The following VPS13C variants were observed in gnomAD, a reference collection of about 807,000 sequenced individuals.
VPS13C encodes vacuolar protein sorting 13 homolog C, also known as intermembrane lipid transfer protein VPS13C.
A neutral mutation model predicts 456.8 loss-of-function variants in VPS13C; 358 were observed. The ratio of observed to expected loss-of-function variants is 0.78; its 90% CI spans 0.72 to 0.86. The LOEUF (loss-of-function observed/expected upper bound fraction) is 0.86. Ranked by LOEUF, VPS13C falls within the 40% of genes least tolerant of loss-of-function variation. The pLI is 0.00. For synonymous variants in VPS13C, 1,578 were observed against 1,486.7 expected, an observed-to-expected ratio of 1.06 and a Z score of -1.41; for missense variants, 4,818 against 4,385.4, an observed-to-expected ratio of 1.10 and a Z score of -2.79.
intron 67 of VPS13C, among the ~76,000 whole-genome samples, chr15:61,888,725 A>G (rs966062996): frequency 6.6e-6 from 1 of 152,140 alleles, no homozygotes; most frequent in Non-Finnish European, 1.5e-5. Context: ...AACAGGAGGA[A>G]GCTGAGAGAC....
At chr15:61,869,477 G>A (rs1894854276) in intron 80 of VPS13C, 23 bp downstream of exon 80, 1 of 1,612,778 alleles carries the variant, frequency 6.2e-7, no homozygotes, top group Admixed American at 1.7e-5. Context: ...CACATACCTT[G>A]CACATAGTAT....
chr15:61,909,059 G>A lies in VPS13C; in HGVS notation c.8911C>T (p.His2971Tyr), dbSNP rs1221319344. ...HSTVITFSDYHEGSAPALIMN... is the reference protein window; with the variant it reads ...HSTVITFSDYYEGSAPALIMN... ...ATCAAGGCAGGTGCAGATCCCTCAT[G>A]GTAATCAGAAAAAGTTATGACAGTT... The change falls in exon 65 of 85, where the codon CAT becomes TAT. Residue 2971 changes from histidine to tyrosine, a missense_variant. This residue lies in a region of VPS13C where 4,552 missense variants were observed against 4,130.6 expected (regional missense o/e 1.10). Coordinates refer to ENST00000644861, the MANE Select transcript of VPS13C (RefSeq NM_020821.3). 3 of 1,613,704 alleles carry A rather than the reference G, an allele frequency of 1.9e-6. No individual in the cohort carries two copies. The highest frequency in any genetic ancestry group is 1.7e-6 in the Non-Finnish European group (2 of 1,179,952).
chr15:61,915,419 C>T (rs1010895913), intron 61 of VPS13C, among the ~76,000 whole-genome samples: 2 of 152,080 alleles, frequency 1.3e-5, no homozygotes, highest in Non-Finnish European at 2.9e-5. Context: ...ACAGAGGTAA[C>T]TCTATAGGCA....
intron 18 of VPS13C, among the ~76,000 whole-genome samples, chr15:61,989,830 T>C (rs1357426474): frequency 6.6e-6 from 1 of 152,216 alleles, no homozygotes; most frequent in Non-Finnish European, 1.5e-5. Flanking sequence ...TATCCTCGCA[T>C]ACTGATAGCG....
chr15:62,006,081 T>C (rs2046830454), intron 15 of VPS13C, among the ~76,000 whole-genome samples: 2 of 141,512 alleles, frequency 1.4e-5, no homozygotes, highest in Admixed American at 1.5e-4. Context: ...TGTTTTTGTT[T>C]TTTTTTAAAG....
chr15:61,925,123 C>T (rs578077156), intron 53 of VPS13C, among the ~76,000 whole-genome samples: 4 of 151,864 alleles, frequency 2.6e-5, no homozygotes, highest in South Asian at 2.1e-4. Context: ...TAATAACAAC[C>T]TCTTCTCTCC....
rs573561210 is a variant in VPS13C at position 61,904,882 on chromosome 15, G to A, written c.9105+2382C>T. ...TGTTAAGTGAAGTCAGTCAGGTACA[G>A]AAAGACAAATAGCACATGTTCTCAC... is the stretch of plus-strand genomic sequence containing the variant. On this transcript the variant is annotated intron_variant, in intron 66 of 84. Coordinates refer to ENST00000644861, the MANE Select transcript of VPS13C (RefSeq NM_020821.3). Among the ~76,000 whole-genome samples the A allele has an allele frequency of 1.2e-4, 18 of 151,768 alleles. No individual in the cohort carries two copies. In the South Asian group the frequency reaches 3.7e-3, roughly 32 times the overall value.
Position 61,950,404 on chromosome 15 carries a change from C to A in VPS13C, c.4550G>T (p.Gly1517Val). ...KMLLTKADSDGPEFKTIHDST... is the reference protein window; with the variant it reads ...KMLLTKADSDVPEFKTIHDST... The stretch of plus-strand genomic sequence containing the variant: ...GTCATGAATAGTTTTAAATTCTGGT[C>A]CATCACTGTCTGCCTACAAATAGTG... Residue 1517 changes from glycine to valine, a missense_variant, in exon 41 of 85, where the codon GGA becomes GTA. Transcript: ENST00000644861. 2 of 1,611,590 alleles carry A rather than the reference C, an allele frequency of 1.2e-6. No homozygotes were observed. The highest frequency in any genetic ancestry group is 1.7e-6 in the Non-Finnish European group (2 of 1,178,390).
At chr15:61,907,190 G>A (rs759320026) in intron 66 of VPS13C, 74 bp downstream of exon 66, 1 of 1,598,452 alleles carries the variant, frequency 6.3e-7, no homozygotes, top group Non-Finnish European at 8.6e-7. Context: ...AGGACAAGGA[G>A]TCAGTGAAGA....
chr15:61,884,239 C>T lies in VPS13C; in HGVS notation c.9372G>A (p.Lys3124=). 1 of 1,611,080 alleles carries T rather than the reference C, an allele frequency of 6.2e-7. No homozygotes were observed. The highest frequency in any genetic ancestry group is 8.5e-7 in the Non-Finnish European group (1 of 1,178,944). ...SSGVVWEVKP[K]QKWKPFSQKQ... is the part of the protein sequence containing the mutation. Reference sequence around the variant, plus strand: ...TTTGACTAAATGGCTTCCATTTCTGCTTTGGTTTCACCTCCCAAACAACAC... The same window carrying T: ...TTTGACTAAATGGCTTCCATTTCTGTTTTGGTTTCACCTCCCAAACAACAC... The change falls in exon 68 of 85, where the codon AAG becomes AAA. Residue 3124 remains lysine (K), a synonymous_variant. Coordinates refer to ENST00000644861, the MANE Select transcript of VPS13C (RefSeq NM_020821.3).
At chr15:62,055,234 C>CA (rs1555454160) in intron 1 of VPS13C, among the ~76,000 whole-genome samples, 3 of 148,120 alleles carry the variant, frequency 2.0e-5, no homozygotes, top group Non-Finnish European at 4.5e-5. Flanking sequence ...CCTTCTCAAC[C>CA]TTTTTTTTTT....
intron 15 of VPS13C, among the ~76,000 whole-genome samples, chr15:62,006,514 T>C (rs1472781861): frequency 6.6e-6 from 1 of 152,210 alleles, no homozygotes; most frequent in Non-Finnish European, 1.5e-5. Flanking sequence ...TTGTTGGACA[T>C]TTGGATTGGT....
chr15:61,985,800 G>A (rs1037044815), intron 18 of VPS13C, among the ~76,000 whole-genome samples: 1 of 152,054 alleles, frequency 6.6e-6, no homozygotes, highest in Non-Finnish European at 1.5e-5. Context: ...GAACCAGGGA[G>A]ATGATCCTGG....
intron 16 of VPS13C, among the ~76,000 whole-genome samples, chr15:61,994,273 C>G (rs2046310016): frequency 6.6e-6 from 1 of 152,178 alleles, no homozygotes. Context: ...ACTTTTTAAG[C>G]AACTGTAGCT....
At chr15:62,030,527 T>A (rs900772738) in intron 5 of VPS13C, among the ~76,000 whole-genome samples, 5 of 152,130 alleles carry the variant, frequency 3.3e-5, no homozygotes, top group Non-Finnish European at 5.9e-5. Flanking sequence ...TAAAACTCTT[T>A]TCTTCATAAA....
rs187076000 is a variant in VPS13C, at chr15:61,954,246, T to C, written c.4299+175A>G. 8.9e-4 allele frequency among the ~76,000 whole-genome samples: 135 copies of C among 152,290 alleles called. 1 individual carries two copies. Among genetic ancestry groups the C allele is most frequent in the African/African-American group, 3.0e-3 (125 of 41,556 alleles). The stretch of plus-strand genomic sequence containing the variant: ...ATGCTGTCATTTTCTCTATGAAATA[T>C]TATAAACTCCCAAATCCTTAACAAA... On this transcript the variant is annotated intron_variant, in intron 38 of 84. Coordinates refer to ENST00000644861, the MANE Select transcript of VPS13C (RefSeq NM_020821.3).
At chr15:62,006,575 G>C (rs1398196351) in intron 15 of VPS13C, among the ~76,000 whole-genome samples, 1 of 152,204 alleles carries the variant, frequency 6.6e-6, no homozygotes, top group Non-Finnish European at 1.5e-5. Flanking sequence ...ATGTGTGCAT[G>C]TGTCTTTATA....
chr15:61,856,687 C>CTTTTTTTTTTTTT (rs542779595), intron 82 of VPS13C: 144 of 114,780 alleles, frequency 1.3e-3, no homozygotes, highest in Middle Eastern at 5.6e-3. Context: ...TTTTTCTTTT[C>CTTTTTTTTTTTTT]TTTTTTTTTT....
intron 63 of VPS13C, among the ~76,000 whole-genome samples, chr15:61,911,108 G>A (rs1305474116): frequency 6.6e-6 from 1 of 152,104 alleles, no homozygotes; most frequent in Non-Finnish European, 1.5e-5. Context: ...TTAAACAGCA[G>A]AAAGTGACCT....
Sources: allele counts gnomAD v4.1 joint callset (sites outside exome capture counted in the v4.1 genomes callset), GRCh38; gene constraint gnomAD v4.1.1; regional missense constraint gnomAD v4.1.1; transcripts MANE v1.5; gene names NCBI Gene and HGNC (gene_info 2026-07-23, HGNC 2026-07-21).